CPAMD8: variants seen among roughly 807,000 people sequenced by gnomAD.
CPAMD8 encodes the protein C3 and PZP-like alpha-2-macroglobulin domain-containing protein 8.
CPAMD8 carries 146 observed loss-of-function variants against 224.7 expected under a neutral mutation model. The ratio of observed to expected loss-of-function variants is 0.65; its 90% confidence interval spans 0.57 to 0.75. The LOEUF (loss-of-function observed/expected upper bound fraction) is 0.75, where lower values mean the gene tolerates loss of function less well. Among genes scored for constraint, CPAMD8 ranks in the 30% least tolerant of loss-of-function variants. The pLI is 0.00. For synonymous variants in CPAMD8, 966 were observed against 1,044.6 expected, an observed-to-expected ratio of 0.92 and a Z score of 1.45; for missense variants, 2,301 against 2,537.5, an observed-to-expected ratio of 0.91 and a Z score of 2.00.
At chr19:17,002,238 G>A (rs761922560) in intron 9 of CPAMD8, 28 bp downstream of exon 9, 27 of 1,484,000 alleles carry the variant, frequency 1.8e-5, no homozygotes, top group Non-Finnish European at 1.8e-5. Context: ...GGCCCCCCCA[G>A]TGTGCCCCAG....
chr19:17,021,228 G>A (rs1022342847), intron 2 of CPAMD8, among the ~76,000 whole-genome samples: 1 of 152,192 alleles, frequency 6.6e-6, no homozygotes, highest in Non-Finnish European at 1.5e-5. Flanking sequence ...AGCAATACCA[G>A]TGGACTTTCT....
intron 25 of CPAMD8, 32 bp from the exon 26 acceptor site, chr19:16,925,404 G>A (rs2053325949): frequency 1.3e-6 from 2 of 1,562,112 alleles, no homozygotes; most frequent in Non-Finnish European, 8.8e-7. Flanking sequence ...TTGAGTTGGG[G>A]GCTGTCCCAG....
chr19:16,941,327 C>T (rs2053881551), intron 22 of CPAMD8, among the ~76,000 whole-genome samples: 1 of 152,056 alleles, frequency 6.6e-6, no homozygotes, highest in African/African-American at 2.4e-5. Context: ...GTGGTTCATC[C>T]ATCCAGTGGA....
intron 10 of CPAMD8, 171 bp downstream of exon 10, chr19:17,000,225 GAGAGGATCGCTTGAGCCC>G: frequency 2.1e-6 from 1 of 474,376 alleles, no homozygotes; most frequent in Non-Finnish European, 3.7e-6. Flanking sequence ...GGGCAAAGGC[GAGAGGATCGCTTGAGCCC>G]AGGAGTTCAA....
intron 2 of CPAMD8, among the ~76,000 whole-genome samples, chr19:17,020,561 A>G (rs2056928044): frequency 6.6e-6 from 1 of 152,158 alleles, no homozygotes; most frequent in African/African-American, 2.4e-5. Context: ...GCTGAAGGCC[A>G]GAGGGAATGG....
chr19:17,021,972 A>G, intron 2 of CPAMD8, 58 bp downstream of exon 2: 1 of 1,349,392 alleles, frequency 7.4e-7, no homozygotes, highest in Non-Finnish European at 9.8e-7. Flanking sequence ...GAAGGCCAGC[A>G]AGTGGCTCCA....
intron 36 of CPAMD8, 28 bp downstream of exon 36, chr19:16,901,182 C>A: frequency 2.6e-6 from 4 of 1,550,658 alleles, no homozygotes; most frequent in Non-Finnish European, 3.5e-6. Flanking sequence ...AGATCCCTGC[C>A]CACCGCTGCT....
At chr19:16,948,330 G>C (rs2054173648) in intron 20 of CPAMD8, among the ~76,000 whole-genome samples, 1 of 152,196 alleles carries the variant, frequency 6.6e-6, no homozygotes, top group Non-Finnish European at 1.5e-5. Context: ...ATGTGAAGTG[G>C]CATACATGAT....
At chr19:17,020,589 A>G (rs1599933264) in intron 2 of CPAMD8, among the ~76,000 whole-genome samples, 1 of 152,146 alleles carries the variant, frequency 6.6e-6, no homozygotes, top group Admixed American at 6.6e-5. Flanking sequence ...TGAGCTATTC[A>G]GGGCAAAGCT....
In CPAMD8 at chr19:16,925,212, G is replaced by C; in HGVS notation, c.3531C>G (p.Thr1177=). The C allele has an allele frequency of 6.2e-7, 1 of 1,614,160 alleles. No homozygotes were observed. Among genetic ancestry groups the C allele is most frequent in the East Asian group, 2.2e-5 (1 of 44,874 alleles). Residue 1177 remains threonine, a synonymous_variant, in exon 26 of 42, where the codon ACC becomes ACG. Transcript: ENST00000443236. ...CCCCAATACCTTGTACTAGGTAGTCGGTGGTCTCTCTCTCCACCTCAGGGC... is the reference window on the plus strand; with the variant it reads ...CCCCAATACCTTGTACTAGGTAGTCCGTGGTCTCTCTCTCCACCTCAGGGC... The part of the protein sequence containing the change: ...QLSPEVERET[T]DYLVQGYQRQ...
chr19:16,992,795 C>T (rs567122359), intron 12 of CPAMD8, among the ~76,000 whole-genome samples: 55 of 152,130 alleles, frequency 3.6e-4, no homozygotes, highest in Admixed American at 2.2e-3. Context: ...GTGCTAATTA[C>T]GGGCATGCAC....
chr19:16,942,664 AC>A (rs932962107), intron 22 of CPAMD8, among the ~76,000 whole-genome samples: 1 of 152,008 alleles, frequency 6.6e-6, no homozygotes, highest in Non-Finnish European at 1.5e-5. Context: ...CTCACAGAGG[AC>A]CCCACAGCTG....
chr19:16,927,904 C>T, intron 25 of CPAMD8, 105 bp downstream of exon 25: 2 of 832,102 alleles, frequency 2.4e-6, no homozygotes, highest in Non-Finnish European at 4.0e-6. Flanking sequence ...GTGGACACCC[C>T]AAGACACAGG....
intron 18 of CPAMD8, among the ~76,000 whole-genome samples, chr19:16,966,892 G>A (rs1396434234): frequency 2.6e-5 from 4 of 152,164 alleles, no homozygotes; most frequent in Non-Finnish European, 4.4e-5. Flanking sequence ...CTGTTGGTGG[G>A]AGTGTAAATT....
chr19:16,925,799 G>A (rs1194328295), intron 25 of CPAMD8, among the ~76,000 whole-genome samples: 1 of 151,648 alleles, frequency 6.6e-6, no homozygotes, highest in Non-Finnish European at 1.5e-5. Context: ...CATCACCCAG[G>A]CTGGAGTATA....
At chr19:16,959,426 C>T (rs1169062903) in intron 18 of CPAMD8, among the ~76,000 whole-genome samples, 4 of 152,164 alleles carry the variant, frequency 2.6e-5, no homozygotes, top group South Asian at 2.1e-4. Flanking sequence ...CCACCCGCCT[C>T]GGCCTCCCAA....
At chr19:17,008,407 G>C (rs2056551211) in intron 7 of CPAMD8, 98 bp downstream of exon 7, 1 of 1,410,446 alleles carries the variant, frequency 7.1e-7, no homozygotes, top group South Asian at 1.2e-5. Flanking sequence ...GAGCAGCAGT[G>C]GGGGTACATT....
At chr19:16,976,997 G>A (rs7258827) in intron 15 of CPAMD8, among the ~76,000 whole-genome samples, 63,953 of 150,710 alleles carry the variant, frequency 0.42, 15,078 homozygotes, top group African/African-American at 0.66. Flanking sequence ...AGCCGAGATC[G>A]TGCCACTGCA....
At chr19:16,937,475 GTGT>G (rs1046397568) in intron 23 of CPAMD8, among the ~76,000 whole-genome samples, 29 of 151,624 alleles carry the variant, frequency 1.9e-4, no homozygotes, top group Middle Eastern at 3.4e-3. Context: ...CCAGCCTCAT[GTGT>G]TGTTGTTGTT....
Sources: allele counts gnomAD v4.1 joint callset (sites outside exome capture counted in the v4.1 genomes callset), GRCh38; gene constraint gnomAD v4.1.1; transcripts MANE v1.5; gene names NCBI Gene and HGNC (gene_info 2026-07-23, HGNC 2026-07-21).